CLNK: variants seen among roughly 807,000 people sequenced by gnomAD.
The protein encoded by CLNK is cytokine dependent hematopoietic cell linker, also known as cytokine-dependent hematopoietic cell linker.
Under a neutral mutation model 68.6 loss-of-function variants are expected in CLNK, and 74 were observed. That is an observed-to-expected ratio of 1.08 (90% confidence interval 0.89 to 1.31). CLNK has a LOEUF of 1.31. CLNK is among the 50% of genes most tolerant of loss of function. The pLI is 0.00. For synonymous variants in CLNK, 198 were observed against 172.2 expected, an observed-to-expected ratio of 1.15 and a Z score of -1.17; for missense variants, 553 against 515.3, an observed-to-expected ratio of 1.07 and a Z score of -0.71.
the CLNK span, among the ~76,000 whole-genome samples, chr4:10,717,033 AT>A: frequency 4.6e-5 from 7 of 151,654 alleles, no homozygotes; most frequent in African/African-American, 1.5e-4. Flanking sequence ...AAAAAAAAAA[AT>A]TATATTCCAC....
chr4:10,493,312 A>G (rs745840409), intron 18 of CLNK, among the ~76,000 whole-genome samples: 1 of 152,184 alleles, frequency 6.6e-6, no homozygotes, highest in South Asian at 2.1e-4. Flanking sequence ...AAGAGACTTC[A>G]TCTCAAAAAA....
At position 10,594,936 on chromosome 4, in the gene CLNK, A is replaced by T. The variant is rs117030446; in HGVS notation, c.83+3042T>A. 1.4e-4 allele frequency among the ~76,000 whole-genome samples: 22 copies of T among 152,190 alleles called. 1 individual carries two copies. The East Asian group carries it at 2.5e-3, about 17-fold the overall frequency. On this transcript the variant is annotated intron_variant, in intron 3 of 18. Coordinates refer to ENST00000226951, the MANE Select transcript of CLNK (RefSeq NM_052964.4). ...TTGGAGGAACCCCATCTCTACTAAAAATTCAAAATTAGCTGGATGTGGTGG... is the reference window on the plus strand; with the variant it reads ...TTGGAGGAACCCCATCTCTACTAAATATTCAAAATTAGCTGGATGTGGTGG...
At position 10,524,959 on chromosome 4, in the gene CLNK, G is replaced by A. The variant is rs142208572; in HGVS notation, c.731+882C>T. ...TGAACTGAGGTCAGAGCCACTGGCC[G>A]GAGTGAGATCATGAGGGCCTTACAG... On this transcript the variant is annotated intron_variant, in intron 14 of 18. Coordinates refer to ENST00000226951, the MANE Select transcript of CLNK (RefSeq NM_052964.4). 6.5e-3 allele frequency among the ~76,000 whole-genome samples: 992 copies of A among 152,296 alleles called. 11 individuals are homozygous for A. The highest frequency in any genetic ancestry group is 0.023 in the African/African-American group (940 of 41,564).
chr4:10,659,215 C>G (rs962215216), intron 2 of CLNK, among the ~76,000 whole-genome samples: 11 of 152,090 alleles, frequency 7.2e-5, no homozygotes, highest in Admixed American at 1.3e-4. Context: ...GAAAACAAAA[C>G]GTAACACACA....
At chr4:10,651,137 C>T (rs187260054) in intron 2 of CLNK, among the ~76,000 whole-genome samples, 10 of 152,226 alleles carry the variant, frequency 6.6e-5, no homozygotes, top group East Asian at 3.9e-4. Context: ...GAAGACAGTA[C>T]GGCAATTCCT....
chr4:10,540,707 G>A (rs1367932644), intron 10 of CLNK, 103 bp from the exon 11 acceptor site: 3 of 775,458 alleles, frequency 3.9e-6, no homozygotes, highest in African/African-American at 3.5e-5. Context: ...CCAGCTTTGG[G>A]TTGAAAATGC....
intron 2 of CLNK, among the ~76,000 whole-genome samples, chr4:10,641,604 C>G (rs1213209214): frequency 6.6e-6 from 1 of 152,154 alleles, no homozygotes; most frequent in African/African-American, 2.4e-5. Context: ...ATAGACAGCT[C>G]TTAGCTTTCA....
chr4:10,507,441 TTTATTTA>T (rs1374882888), intron 17 of CLNK, among the ~76,000 whole-genome samples: 6 of 35,544 alleles, frequency 1.7e-4, no homozygotes, highest in Non-Finnish European at 2.6e-4. Flanking sequence ...TCTGTTTTTA[TTTATTTA>T]TTTATTTATT....
the CLNK span, among the ~76,000 whole-genome samples, chr4:10,719,687 T>G: frequency 6.6e-6 from 1 of 152,170 alleles, no homozygotes; most frequent in African/African-American, 2.4e-5. Flanking sequence ...ATCAAGGGTA[T>G]AGAAGAACTC....
At chr4:10,617,407 G>C (rs193113660) in intron 2 of CLNK, among the ~76,000 whole-genome samples, 1 of 152,252 alleles carries the variant, frequency 6.6e-6, no homozygotes, top group African/African-American at 2.4e-5. Flanking sequence ...GTGTGCAAAA[G>C]GGGAGAAAAA....
intron 3 of CLNK, 38 bp from the exon 4 acceptor site, chr4:10,584,993 C>T (rs755456918): frequency 6.2e-7 from 1 of 1,609,504 alleles, no homozygotes. Flanking sequence ...ATGTCCATTG[C>T]TCCACCTCCA....
At chr4:10,694,064 A>G in the CLNK span, among the ~76,000 whole-genome samples, 1 of 152,120 alleles carries the variant, frequency 6.6e-6, no homozygotes, top group South Asian at 2.1e-4. Context: ...AGCGTTTGCT[A>G]TTGGTGGTGG....
intron 18 of CLNK, among the ~76,000 whole-genome samples, chr4:10,499,301 T>C (rs1030621747): frequency 6.6e-6 from 1 of 152,176 alleles, no homozygotes; most frequent in Admixed American, 6.5e-5. Flanking sequence ...TCAGGTATGC[T>C]CTCATTGCGA....
chr4:10,639,343 C>T (rs1723219167), intron 2 of CLNK, among the ~76,000 whole-genome samples: 1 of 152,176 alleles, frequency 6.6e-6, no homozygotes, highest in Non-Finnish European at 1.5e-5. Flanking sequence ...GTGGCTTTGG[C>T]TCATTGTGCA....
intron 5 of CLNK, among the ~76,000 whole-genome samples, chr4:10,568,285 C>T (rs1156567506): frequency 1.3e-5 from 2 of 151,918 alleles, no homozygotes. Flanking sequence ...GAGTCATATA[C>T]AAAATGGAAT....
intron 8 of CLNK, among the ~76,000 whole-genome samples, chr4:10,555,032 G>A (rs1406459129): frequency 6.6e-6 from 1 of 152,202 alleles, no homozygotes; most frequent in Non-Finnish European, 1.5e-5. Flanking sequence ...TATGTAAAAT[G>A]AGAGAATTGA....
the CLNK span, among the ~76,000 whole-genome samples, chr4:10,730,333 C>T: frequency 6.6e-6 from 1 of 152,180 alleles, no homozygotes; most frequent in African/African-American, 2.4e-5. Context: ...TATGACTCAT[C>T]TGTTTCCCTC....
intron 3 of CLNK, among the ~76,000 whole-genome samples, chr4:10,590,367 T>C (rs4697759): frequency 0.74 from 112,497 of 152,124 alleles, 42,201 homozygotes; most frequent in East Asian, 0.85. Context: ...TACTTATCCA[T>C]GGGAACAGAG....
At chr4:10,563,072 C>T (rs939334450) in intron 7 of CLNK, among the ~76,000 whole-genome samples, 2 of 152,172 alleles carry the variant, frequency 1.3e-5, no homozygotes, top group African/African-American at 4.8e-5. Flanking sequence ...TCGTCTTGCT[C>T]CTTCAGTCTC....
Sources: gnomAD v4.1 joint callset for allele counts (sites outside exome capture counted in the v4.1 genomes callset) on GRCh38, gnomAD v4.1.1 for gene constraint, MANE v1.5 for transcripts, NCBI Gene and HGNC (gene_info 2026-07-23, HGNC 2026-07-21) for gene names.